The following HS6ST3 variants were observed in gnomAD, a reference collection of about 807,000 sequenced individuals.
HS6ST3 encodes heparan-sulfate 6-O-sulfotransferase 3.
Under a neutral mutation model 36.7 loss-of-function variants are expected in HS6ST3, and 12 were observed. The observed-to-expected ratio is 0.33, with a 90% CI of 0.21 to 0.53. HS6ST3 has a LOEUF of 0.53. Ranked by LOEUF, HS6ST3 falls within the 20% of genes least tolerant of loss-of-function variation. HS6ST3 has a pLI of 0.95. For missense variants in HS6ST3, 584 were observed against 640.9 expected, an observed-to-expected ratio of 0.91 and a Z score of 0.96; for synonymous variants, 240 against 257.5, an observed-to-expected ratio of 0.93 and a Z score of 0.65.
intron 1 of HS6ST3, among the ~76,000 whole-genome samples, chr13:96,166,575 C>CTTT (rs765190619): frequency 1.2e-4 from 16 of 131,572 alleles, no homozygotes; most frequent in East Asian, 2.2e-4. Flanking sequence ...TTCTTTCTTT[C>CTTT]TTTTTTTTTT....
intron 1 of HS6ST3, among the ~76,000 whole-genome samples, chr13:96,638,407 C>T (rs1364250125): frequency 6.6e-6 from 1 of 151,978 alleles, no homozygotes; most frequent in African/African-American, 2.4e-5. Context: ...AAGTTACATA[C>T]CCTCTCTACT....
intron 1 of HS6ST3, among the ~76,000 whole-genome samples, chr13:96,711,737 T>C (rs1248041548): frequency 1.3e-5 from 2 of 152,228 alleles, no homozygotes; most frequent in Admixed American, 1.3e-4. Flanking sequence ...ATATTTTCTA[T>C]TTATATCATT....
intron 1 of HS6ST3, among the ~76,000 whole-genome samples, chr13:96,761,080 C>T (rs1876959821): frequency 6.6e-6 from 1 of 151,314 alleles, no homozygotes; most frequent in African/African-American, 2.4e-5. Flanking sequence ...AAACTTTTAG[C>T]ATTTTCTCTG....
intron 1 of HS6ST3, among the ~76,000 whole-genome samples, chr13:96,320,842 G>T (rs751894443): frequency 2.0e-5 from 3 of 152,186 alleles, no homozygotes; most frequent in African/African-American, 7.2e-5. Context: ...TCCTTGGGGA[G>T]CCCCACTTCC....
chr13:96,475,040 A>G (rs2055856956), intron 1 of HS6ST3, among the ~76,000 whole-genome samples: 1 of 152,168 alleles, frequency 6.6e-6, no homozygotes, highest in Non-Finnish European at 1.5e-5. Flanking sequence ...GTTCAAAGCT[A>G]AATGCAACTC....
intron 1 of HS6ST3, among the ~76,000 whole-genome samples, chr13:96,821,491 G>T (rs994012063): frequency 1.3e-5 from 2 of 152,206 alleles, no homozygotes; most frequent in East Asian, 3.8e-4. Context: ...AAAGTAGTAC[G>T]TGACTCAAAG....
intron 1 of HS6ST3, among the ~76,000 whole-genome samples, chr13:96,527,923 T>C (rs1436832902): frequency 6.6e-6 from 1 of 152,166 alleles, no homozygotes; most frequent in Non-Finnish European, 1.5e-5. Flanking sequence ...GCACTGATGA[T>C]GGAAGCCATG....
chr13:96,389,218 C>A (rs78972232), intron 1 of HS6ST3, among the ~76,000 whole-genome samples: 3 of 151,962 alleles, frequency 2.0e-5, no homozygotes, highest in Admixed American at 6.6e-5. Context: ...GTTAACAAAA[C>A]TGTACGGGAC....
chr13:96,428,405 C>T (rs2055598144), intron 1 of HS6ST3, among the ~76,000 whole-genome samples: 1 of 152,164 alleles, frequency 6.6e-6, no homozygotes, highest in Non-Finnish European at 1.5e-5. Flanking sequence ...ATCTTATTTT[C>T]TCAGAGTTCT....
At chr13:96,447,804 C>T (rs1056705346) in intron 1 of HS6ST3, among the ~76,000 whole-genome samples, 1 of 152,204 alleles carries the variant, frequency 6.6e-6, no homozygotes, top group African/African-American at 2.4e-5. Flanking sequence ...GGAGTTTCCT[C>T]TCTTGGCTTT....
chr13:96,739,219 TTGTGTGTGTGTGTGTGTGTG>T (rs3138578), intron 1 of HS6ST3, among the ~76,000 whole-genome samples: 42 of 126,336 alleles, frequency 3.3e-4, no homozygotes, highest in South Asian at 5.8e-4. Context: ...CGACATTTGC[TTGTGTGTGTGTGTGTGTGTG>T]TGTGTGTGTG....
intron 1 of HS6ST3, among the ~76,000 whole-genome samples, chr13:96,392,108 T>G (rs992736236): frequency 6.6e-6 from 1 of 152,166 alleles, no homozygotes; most frequent in Non-Finnish European, 1.5e-5. Context: ...TCCATGCCCT[T>G]TCTGACATTT....
intron 1 of HS6ST3, among the ~76,000 whole-genome samples, chr13:96,731,527 C>T (rs773991862): frequency 6.6e-6 from 1 of 152,004 alleles, no homozygotes; most frequent in Non-Finnish European, 1.5e-5. Flanking sequence ...TATCTTGGCT[C>T]TTGTGAATAG....
At chr13:96,253,379 G>A (rs1289200055) in intron 1 of HS6ST3, among the ~76,000 whole-genome samples, 1 of 152,188 alleles carries the variant, frequency 6.6e-6, no homozygotes, top group African/African-American at 2.4e-5. Flanking sequence ...CCCCATGGAA[G>A]AAATCATGGG....
intron 1 of HS6ST3, among the ~76,000 whole-genome samples, chr13:96,279,614 GCCAT>G (rs1343487488): frequency 1.3e-5 from 2 of 152,084 alleles, no homozygotes; most frequent in East Asian, 3.9e-4. Context: ...CCCAACCATG[GCCAT>G]TCTTATTAAA....
At chr13:96,194,320 G>A (rs903417545) in intron 1 of HS6ST3, among the ~76,000 whole-genome samples, 12 of 65,986 alleles carry the variant, frequency 1.8e-4, no homozygotes, top group African/African-American at 7.8e-4. Context: ...AAGATATTTA[G>A]CTCTGGCCTC....
chr13:96,731,248 C>G (rs1231288907), intron 1 of HS6ST3, among the ~76,000 whole-genome samples: 1 of 152,204 alleles, frequency 6.6e-6, no homozygotes, highest in Non-Finnish European at 1.5e-5. Flanking sequence ...TCCTCTTCCT[C>G]TAATGATCCC....
In HS6ST3 at chr13:96,839,263, A is replaced by G. The variant is rs1465375642; in HGVS notation, c.*6065A>G. 1 of 150,008 alleles carries G rather than the reference A, an allele frequency of 6.7e-6. No individual in the cohort carries two copies. The highest frequency in any genetic ancestry group is 1.5e-5 in the Non-Finnish European group (1 of 67,438). The allele number at this position is 150,008 out of a possible 1,614,324, so 9.3% of individuals were successfully genotyped here. A position where few individuals can be genotyped will look rare whatever the true frequency, so the allele number is the denominator to read the frequency against. On this transcript the variant is annotated 3_prime_UTR_variant, in exon 2 of 2. Transcript: ENST00000376705. Reference sequence around the variant, plus strand: ...GTACTTCTGGGGCTTTGATTGCATTATTTCTCTTTTAATGTATCATTTCAG... The same window carrying G: ...GTACTTCTGGGGCTTTGATTGCATTGTTTCTCTTTTAATGTATCATTTCAG...
intron 1 of HS6ST3, among the ~76,000 whole-genome samples, chr13:96,665,635 A>T (rs892488976): frequency 6.6e-6 from 1 of 152,162 alleles, no homozygotes; most frequent in Non-Finnish European, 1.5e-5. Context: ...TCTTGAAGCT[A>T]AACCTATGAA....
Sources: gnomAD v4.1 joint callset for allele counts (sites outside exome capture counted in the v4.1 genomes callset) on GRCh38, gnomAD v4.1.1 for gene constraint, MANE v1.5 for transcripts, NCBI Gene and HGNC (gene_info 2026-07-23, HGNC 2026-07-21) for gene names.